Variants in TACC1 observed in about 807,000 individuals in gnomAD.
The protein encoded by TACC1 is transforming acidic coiled-coil containing protein 1, also known as transforming acidic coiled-coil-containing protein 1.
Under a neutral mutation model 84.4 loss-of-function variants are expected in TACC1, and 48 were observed. That is an observed-to-expected ratio of 0.57 (90% confidence interval 0.45 to 0.72). The LOEUF (loss-of-function observed/expected upper bound fraction) is 0.72, where lower values mean the gene tolerates loss of function less well. Ranked by LOEUF, TACC1 falls within the 30% of genes least tolerant of loss-of-function variation. TACC1 has a pLI of 0.00. For synonymous variants in TACC1, 372 were observed against 376.3 expected (o/e 0.99, Z 0.13); for missense variants, 920 against 973.0 (o/e 0.95, Z 0.72).
intron 2 of TACC1, among the ~76,000 whole-genome samples, chr8:38,792,276 A>G (rs1818846668): frequency 6.6e-6 from 1 of 152,144 alleles, no homozygotes; most frequent in Non-Finnish European, 1.5e-5. Context: ...TGGACTTTTG[A>G]GGAGGTACAA....
chr8:38,785,610 T>C, upstream of TACC1: 1 of 785,070 alleles, frequency 1.3e-6, no homozygotes, highest in Non-Finnish European at 1.5e-6. Context: ...AGAGAACTAT[T>C]CAGGAGGAAG....
chr8:38,821,603 T>C (rs879609474), intron 3 of TACC1, among the ~76,000 whole-genome samples: 4 of 152,218 alleles, frequency 2.6e-5, no homozygotes, highest in Admixed American at 6.5e-5. Flanking sequence ...GTTTAGTCAA[T>C]CCCCCATCTC....
intron 11 of TACC1, 97 bp from the exon 12 acceptor site, chr8:38,846,602 G>T: frequency 7.0e-7 from 1 of 1,430,804 alleles, no homozygotes; most frequent in Non-Finnish European, 9.4e-7. Context: ...TGAGGCCTGT[G>T]CCTCACAGAT....
At chr8:38,732,659 C>T (rs1004602537) in intron 1 of TACC1, among the ~76,000 whole-genome samples, 2 of 152,186 alleles carry the variant, frequency 1.3e-5, no homozygotes, top group Non-Finnish European at 2.9e-5. Flanking sequence ...TGCGTCACCT[C>T]ATTTGTTTAA....
intron 2 of TACC1, among the ~76,000 whole-genome samples, chr8:38,791,840 G>A (rs779602157): frequency 6.6e-6 from 1 of 152,140 alleles, no homozygotes; most frequent in Non-Finnish European, 1.5e-5. Flanking sequence ...GCCCTCAAAC[G>A]TGTGGGCTAC....
intron 2 of TACC1, among the ~76,000 whole-genome samples, chr8:38,806,332 T>C (rs143329815): frequency 6.6e-6 from 1 of 152,316 alleles, no homozygotes; most frequent in East Asian, 1.9e-4. Context: ...CCCTGGTTTA[T>C]GGTCCACTTG....
intron 1 of TACC1, 70 bp downstream of exon 1, chr8:38,787,813 G>C: frequency 7.3e-7 from 1 of 1,366,382 alleles, no homozygotes; most frequent in South Asian, 1.4e-5. Context: ...CCCTCTGTGT[G>C]CGTGTGTGTG....
rs147680785 is a variant in TACC1, at chr8:38,747,955, A to G, written c.26+2462A>G. 2.2e-3 allele frequency among the ~76,000 whole-genome samples: 342 copies of G among 152,166 alleles called. 1 individual carries two copies. The highest frequency in any genetic ancestry group is 8.0e-3 in the African/African-American group (333 of 41,530). On this transcript the variant is annotated intron_variant, in intron 3 of 14. Transcript: ENST00000518415. The stretch of plus-strand genomic sequence containing the variant: ...GTGGGGAGGCCATATGTGTAGGGGT[A>G]GGGGGTGTGTGGGAACTGTCTGTAC...
At chr8:38,777,331 G>A (rs1411412905) in intron 3 of TACC1, among the ~76,000 whole-genome samples, 1 of 151,882 alleles carries the variant, frequency 6.6e-6, no homozygotes, top group Non-Finnish European at 1.5e-5. Flanking sequence ...GTCTAGGGCC[G>A]CAGGCTGCTC....
intron 11 of TACC1, 76 bp from the exon 12 acceptor site, chr8:38,846,623 A>G: frequency 6.4e-7 from 1 of 1,563,716 alleles, no homozygotes; most frequent in Admixed American, 1.8e-5. Flanking sequence ...GTCAGTGGTT[A>G]GTATCCTGAC....
chr8:38,759,064 C>T (rs921478453), intron 3 of TACC1, among the ~76,000 whole-genome samples: 17 of 152,046 alleles, frequency 1.1e-4, no homozygotes, highest in Admixed American at 3.3e-4. Flanking sequence ...TTGCCAAAGT[C>T]GATTTAACTT....
At chr8:38,836,391 GA>G in intron 7 of TACC1, 104 bp downstream of exon 7, 1 of 1,502,142 alleles carries the variant, frequency 6.7e-7, no homozygotes, top group Non-Finnish European at 9.0e-7. Context: ...TCACAGGCTG[GA>G]AGTTCTTATT....
intron 3 of TACC1, among the ~76,000 whole-genome samples, chr8:38,770,412 C>T (rs1264718278): frequency 6.6e-6 from 1 of 152,110 alleles, no homozygotes; most frequent in Non-Finnish European, 1.5e-5. Context: ...CCTGCCCCCT[C>T]CGCCGCGCTC....
At chr8:38,748,562 A>C (rs946825709) in intron 3 of TACC1, among the ~76,000 whole-genome samples, 2 of 152,178 alleles carry the variant, frequency 1.3e-5, no homozygotes, top group Non-Finnish European at 1.5e-5. Context: ...AAAAAGTTTT[A>C]ATAAATATTA....
At chr8:38,756,242 C>T (rs1181506239) in intron 3 of TACC1, among the ~76,000 whole-genome samples, 2 of 151,954 alleles carry the variant, frequency 1.3e-5, no homozygotes, top group African/African-American at 4.8e-5. Context: ...CAATTGTGAG[C>T]GCCCACTGTG....
At chr8:38,731,393 A>G (rs745394760) in intron 1 of TACC1, among the ~76,000 whole-genome samples, 25 of 152,350 alleles carry the variant, frequency 1.6e-4, no homozygotes, top group Middle Eastern at 6.8e-3. Flanking sequence ...CTGGAGAAGG[A>G]TGATAATAAC....
rs577094703 is a variant in TACC1 at position 38,837,539 on chromosome 8, C to A, written c.1840-931C>A. 1.1e-4 allele frequency among the ~76,000 whole-genome samples: 16 copies of A among 152,302 alleles called. 1 individual carries two copies. Among genetic ancestry groups the A allele is most frequent in the Admixed American group, 8.5e-4 (13 of 15,302 alleles). On this transcript the variant is annotated intron_variant, in intron 7 of 12. Coordinates refer to ENST00000317827, the MANE Select transcript of TACC1 (RefSeq NM_006283.3). ...CTCCTAGGGTCAAGCGATCCTCTTG[C>A]CTCAGCTGCCTGAGTAGCTGGGACT...
intron 2 of TACC1, among the ~76,000 whole-genome samples, chr8:38,789,812 G>A (rs1818212580): frequency 6.6e-6 from 1 of 152,164 alleles, no homozygotes. Context: ...AGGGTTCATG[G>A]TACAGTTTGA....
In TACC1 at chr8:38,848,533, TCA is replaced by T. The variant is rs1209134473; in HGVS notation, c.*517_*518del. 1.3e-5 allele frequency: 2 copies of T among 152,874 alleles called. No homozygotes were observed. Among genetic ancestry groups the T allele is most frequent in the African/African-American group, 4.8e-5 (2 of 41,460 alleles). 9.5% of individuals were successfully genotyped at this position (152,874 alleles called of 1,614,324 possible). On this transcript the variant is annotated 3_prime_UTR_variant, in exon 13 of 13. Transcript: ENST00000317827. Reference sequence around the variant, plus strand: ...ATCCCCTTTTAAATTACACACACTCTCACACACATACATGTATGTTTATAGAT... The same window carrying T: ...ATCCCCTTTTAAATTACACACACTCTCACACATACATGTATGTTTATAGAT...
Sources: gnomAD v4.1 joint callset for allele counts (sites outside exome capture counted in the v4.1 genomes callset) on GRCh38, gnomAD v4.1.1 for gene constraint, MANE v1.5 for transcripts, NCBI Gene and HGNC (gene_info 2026-07-23, HGNC 2026-07-21) for gene names.